Variants in ENTREP2 observed in about 807,000 individuals in gnomAD.
ENTREP2 encodes the protein endosomal transmembrane epsin interactor 2, also known as protein ENTREP2.
chr15:29,434,036 A>G, the ENTREP2 span, among the ~76,000 whole-genome samples: 1 of 152,106 alleles, frequency 6.6e-6, no homozygotes, highest in Non-Finnish European at 1.5e-5. Context: ...AGAGAATGTG[A>G]GCTTAGAGTG....
the ENTREP2 span, among the ~76,000 whole-genome samples, chr15:29,283,903 T>C: frequency 1.3e-5 from 2 of 152,132 alleles, no homozygotes; most frequent in East Asian, 3.9e-4. Flanking sequence ...AGAGGTACTG[T>C]ATAAAAGAAC....
At chr15:29,535,876 G>T in the ENTREP2 span, among the ~76,000 whole-genome samples, 4,956 of 151,998 alleles carry the variant, frequency 0.033, 298 homozygotes, top group African/African-American at 0.12. Flanking sequence ...GAGAACCACT[G>T]CTTGAAGCAC....
the ENTREP2 span, among the ~76,000 whole-genome samples, chr15:29,506,103 T>C: frequency 2.6e-5 from 4 of 151,936 alleles, no homozygotes; most frequent in Non-Finnish European, 5.9e-5. Flanking sequence ...ACACGAGAAC[T>C]TCGTGAAGCA....
At chr15:29,595,067 CAAAAAAA>C in the ENTREP2 span, among the ~76,000 whole-genome samples, 29 of 86,590 alleles carry the variant, frequency 3.3e-4, no homozygotes, top group African/African-American at 1.4e-3. Context: ...GACTCCGTCT[CAAAAAAA>C]AAAAAAAAAA....
At chr15:29,340,667 G>A in the ENTREP2 span, among the ~76,000 whole-genome samples, 1 of 152,094 alleles carries the variant, frequency 6.6e-6, no homozygotes, top group Non-Finnish European at 1.5e-5. Context: ...AATTATCGTA[G>A]GAAGCTTCTA....
the ENTREP2 span, among the ~76,000 whole-genome samples, chr15:29,494,698 CCT>C: frequency 6.6e-6 from 1 of 152,214 alleles, no homozygotes; most frequent in East Asian, 1.9e-4. Context: ...CCATCATTCT[CCT>C]CTCTGTTTCT....
the ENTREP2 span, among the ~76,000 whole-genome samples, chr15:29,367,033 A>G: frequency 6.6e-6 from 1 of 152,232 alleles, no homozygotes; most frequent in Non-Finnish European, 1.5e-5. Context: ...CCTCCATAAG[A>G]GGAAAAAATA....
At chr15:29,404,667 G>C in the ENTREP2 span, among the ~76,000 whole-genome samples, 1 of 151,790 alleles carries the variant, frequency 6.6e-6, no homozygotes, top group East Asian at 2.0e-4. Context: ...GGGAGAGCCT[G>C]TTCCCTCCCT....
chr15:29,261,273 G>C, the ENTREP2 span, among the ~76,000 whole-genome samples: 1 of 152,230 alleles, frequency 6.6e-6, no homozygotes, highest in Admixed American at 6.5e-5. Context: ...AGCTGATCAG[G>C]AGGCTGAGGA....
chr15:29,260,481 A>G, the ENTREP2 span, among the ~76,000 whole-genome samples: 1 of 152,348 alleles, frequency 6.6e-6, no homozygotes, highest in African/African-American at 2.4e-5. Context: ...GAATGCAAGA[A>G]AGTCGATCAA....
At chr15:29,223,999 T>C in the ENTREP2 span, among the ~76,000 whole-genome samples, 2 of 152,146 alleles carry the variant, frequency 1.3e-5, no homozygotes, top group Non-Finnish European at 2.9e-5. Flanking sequence ...GTGTCCAGAA[T>C]TGATGGGTTC....
At chr15:29,410,391 A>AGGGGCTGCTCTGGTGGAAGCCAGAGC in the ENTREP2 span, among the ~76,000 whole-genome samples, 1 of 151,994 alleles carries the variant, frequency 6.6e-6, no homozygotes, top group Non-Finnish European at 1.5e-5. Flanking sequence ...ACTCCCCTGC[A>AGGGGCTGCTCTGGTGGAAGCCAGAGC]GGGGCTGCTC....
the ENTREP2 span, among the ~76,000 whole-genome samples, chr15:29,657,471 C>T: frequency 3.1e-4 from 8 of 25,704 alleles, no homozygotes; most frequent in African/African-American, 5.4e-4. Context: ...TTGCCGCTGT[C>T]GGCTGGGGGG....
the ENTREP2 span, among the ~76,000 whole-genome samples, chr15:29,558,584 C>G: frequency 9.7e-6 from 1 of 103,602 alleles, no homozygotes; most frequent in East Asian, 2.9e-4. Flanking sequence ...TACGGCTGAC[C>G]CTGAAAAACC....
At chr15:29,628,931 G>A in the ENTREP2 span, among the ~76,000 whole-genome samples, 101 of 152,104 alleles carry the variant, frequency 6.6e-4, no homozygotes, top group African/African-American at 2.4e-3. Flanking sequence ...TGTAATTTTA[G>A]TAGAGACAGC....
the ENTREP2 span, among the ~76,000 whole-genome samples, chr15:29,224,235 G>A: frequency 2.0e-5 from 3 of 152,212 alleles, no homozygotes; most frequent in South Asian, 2.1e-4. Flanking sequence ...CGTTCCTCCC[G>A]GTGGGTTCGT....
At chr15:29,431,057 A>C in the ENTREP2 span, among the ~76,000 whole-genome samples, 3 of 152,162 alleles carry the variant, frequency 2.0e-5, no homozygotes, top group Non-Finnish European at 4.4e-5. Flanking sequence ...GCTGAGGCAC[A>C]CTGCGGGCCC....
the ENTREP2 span, among the ~76,000 whole-genome samples, chr15:29,622,552 T>C: frequency 6.6e-6 from 1 of 152,092 alleles, no homozygotes; most frequent in Non-Finnish European, 1.5e-5. Flanking sequence ...ATAACTTTTA[T>C]AAAAAACCTA....
the ENTREP2 span, among the ~76,000 whole-genome samples, chr15:29,482,662 C>T: frequency 6.6e-6 from 1 of 152,212 alleles, no homozygotes; most frequent in Non-Finnish European, 1.5e-5. Context: ...CTTTTCATAG[C>T]TTGATAGCTC....
Sources: gnomAD v4.1 joint callset for allele counts (sites outside exome capture counted in the v4.1 genomes callset) on GRCh38, gnomAD v4.1.1 for gene constraint, MANE v1.5 for transcripts, NCBI Gene and HGNC (gene_info 2026-07-23, HGNC 2026-07-21) for gene names.